Variants in HSPG2 observed in about 807,000 individuals in gnomAD.
HSPG2 encodes the protein heparan sulfate proteoglycan 2, also known as basement membrane-specific heparan sulfate proteoglycan core protein.
HSPG2 carries 278 observed loss-of-function variants against 526.6 expected under a neutral mutation model. The observed-to-expected ratio is 0.53, with a 90% CI of 0.48 to 0.58. The LOEUF is 0.58. Among genes scored for constraint, HSPG2 ranks in the 20% least tolerant of loss-of-function variants. The pLI is 0.00. For missense variants in HSPG2, 5,354 were observed against 6,099.5 expected, an observed-to-expected ratio of 0.88 and a Z score of 4.07; for synonymous variants, 2,465 against 2,555.4, an observed-to-expected ratio of 0.96 and a Z score of 1.07.
chr1:21,871,770 A>T (rs1448307284), intron 33 of HSPG2, among the ~76,000 whole-genome samples: 1 of 152,236 alleles, frequency 6.6e-6, no homozygotes, highest in African/African-American at 2.4e-5. Context: ...ACCTATCATG[A>T]GAATTACTGT....
At chr1:21,874,858 G>A (rs766546415) in intron 26 of HSPG2, 33 bp downstream of exon 26, 2 of 1,563,762 alleles carry the variant, frequency 1.3e-6, no homozygotes, top group Non-Finnish European at 8.8e-7. Context: ...CATGGAGGGG[G>A]CTGGCTGGGC....
chr1:21,909,743 A>G (rs923821454), intron 1 of HSPG2, among the ~76,000 whole-genome samples: 2 of 152,168 alleles, frequency 1.3e-5, no homozygotes, highest in East Asian at 3.9e-4. Flanking sequence ...AGGATTACCC[A>G]TCACTCCCCA....
chr1:21,892,483 C>T (rs930560433), intron 3 of HSPG2, among the ~76,000 whole-genome samples: 9 of 152,344 alleles, frequency 5.9e-5, no homozygotes, highest in Admixed American at 2.6e-4. Flanking sequence ...CTTCGTTCTT[C>T]GAGACCAAGG....
intron 76 of HSPG2, 131 bp from the exon 77 acceptor site, chr1:21,835,076 A>G (rs1281217293): frequency 2.0e-6 from 2 of 1,008,056 alleles, no homozygotes. Context: ...TCACTTTTTC[A>G]TGCATTCACT....
rs1478195895 is a variant in HSPG2 at position 21,848,023 on chromosome 1, C to T, written c.7808G>A (p.Ser2603Asn). Residue 2603 changes from serine to asparagine, a missense_variant, in exon 60 of 97, where the codon AGT becomes AAT. Transcript: ENST00000374695. This position sits in a 1 kb window ranked among gnomAD's most constrained non-coding sequence, Gnocchi z 4.9. ...GGTCTCCCGGGAGCCTGCACCGTTA[C>T]TGACGTGACACACGTACTCGCCCGA... ...ADSGEYVCHV[S>N]NGAGSRETSL... 1 of 1,613,310 alleles carries T rather than the reference C, an allele frequency of 6.2e-7. No individual in the cohort carries two copies. Among genetic ancestry groups the T allele is most frequent in the East Asian group, 2.2e-5 (1 of 44,846 alleles).
chr1:21,827,727 G>A, intron 91 of HSPG2, 136 bp downstream of exon 91: 1 of 974,618 alleles, frequency 1.0e-6, no homozygotes, highest in South Asian at 1.4e-5. Flanking sequence ...ACATGGCTGT[G>A]GTCTTCATTC....
chr1:21,891,497 T>C (rs545916569), intron 3 of HSPG2, among the ~76,000 whole-genome samples: 8 of 152,310 alleles, frequency 5.3e-5, no homozygotes, highest in African/African-American at 1.9e-4. Context: ...GAACCTGGGA[T>C]TTCATTCACG....
intron 50 of HSPG2, among the ~76,000 whole-genome samples, 196 bp downstream of exon 50, chr1:21,853,997 T>C (rs1639128195): frequency 1.3e-5 from 2 of 152,160 alleles, no homozygotes; most frequent in Admixed American, 1.3e-4. Flanking sequence ...CAGTCACTCA[T>C]AGGGAGCCCA....
chr1:21,840,509 T>TGTTA (rs1364128077), intron 71 of HSPG2, among the ~76,000 whole-genome samples: 1 of 152,132 alleles, frequency 6.6e-6, no homozygotes, highest in African/African-American at 2.4e-5. Context: ...GGTTTCACCA[T>TGTTA]GTTAGCCAGG....
intron 86 of HSPG2, 52 bp from the exon 87 acceptor site, chr1:21,829,656 G>C (rs2097993570): frequency 6.8e-7 from 1 of 1,470,464 alleles, no homozygotes; most frequent in Admixed American, 1.8e-5. Context: ...ACCCTCGGGT[G>C]GGGTCCAGCT....
chr1:21,884,683 C>A lies in HSPG2; in HGVS notation c.1508-9G>T, dbSNP rs538216424. On this transcript the variant is annotated splice_polypyrimidine_tract_variant and intron_variant, in intron 12 of 96. Coordinates refer to ENST00000374695, the MANE Select transcript of HSPG2 (RefSeq NM_005529.7). Reference sequence around the variant, plus strand: ...GCCGTCAGGGCAGGGGCCTGCTGGGCGGCATGGGCGGGGGCTGCAGCCGGC... The same window carrying A: ...GCCGTCAGGGCAGGGGCCTGCTGGGAGGCATGGGCGGGGGCTGCAGCCGGC... 2 of 1,610,686 alleles carry A rather than the reference C, an allele frequency of 1.2e-6. No homozygotes were observed. The highest frequency in any genetic ancestry group is 2.2e-5 in the East Asian group (1 of 44,810).
In HSPG2 at chr1:21,858,674, A is replaced by AC. The variant is rs1639532354; in HGVS notation, c.5293+891dup. 6.6e-6 allele frequency among the ~76,000 whole-genome samples: 1 copy of AC among 151,098 alleles called. No homozygotes were observed. Among genetic ancestry groups the AC allele is most frequent in the Non-Finnish European group, 1.5e-5 (1 of 67,762 alleles). On this transcript the variant is annotated intron_variant, in intron 42 of 96. Transcript: ENST00000374695. This position sits in a 1 kb window ranked among gnomAD's most constrained non-coding sequence, Gnocchi z 4.2. The stretch of plus-strand genomic sequence containing the variant: ...TGCTGGTGGCCTAGCCACGCTTCCC[A>AC]CCCCCCGTGCCCACCTGCCTGACTT...
rs1192648239 is a variant in HSPG2 at position 21,855,802 on chromosome 1, T to G, written c.5686A>C (p.Thr1896Pro). Residue 1896 changes from threonine (T) to proline (P), a missense_variant, in exon 45 of 97, where the codon ACC (threonine) becomes CCC (proline). Physicochemically the swap from Thr to Pro is conservative, Grantham distance 38. Transcript: ENST00000374695. ...RCSATGSPTP[T>P]LEWTGGPGGQ... Reference sequence around the variant, plus strand: ...ACGGCCTCACCTGTCCACTCGAGGGTGGGCGTGGGGCTCCCTGTGGCGCTG... The same window carrying G: ...ACGGCCTCACCTGTCCACTCGAGGGGGGGCGTGGGGCTCCCTGTGGCGCTG... 2 of 1,612,956 alleles carry G rather than the reference T, an allele frequency of 1.2e-6. No homozygotes were observed. The highest frequency in any genetic ancestry group is 1.7e-6 in the Non-Finnish European group (2 of 1,179,806).
In HSPG2 at chr1:21,874,655, G is replaced by A. The variant is rs148471758; in HGVS notation, c.3489C>T (p.Gly1163=). 9.9e-6 allele frequency: 16 copies of A among 1,613,254 alleles called. No homozygotes were observed. The African/African-American group carries it at 2.0e-4, about 20-fold the overall frequency. Reference sequence around the variant, plus strand: ...TTTCTGGCTCGCAGGCCTCTGAGTGGCCATGGCAGCTGCAGCGTTCACAGG... The same window carrying A: ...TTTCTGGCTCGCAGGCCTCTGAGTGACCATGGCAGCTGCAGCGTTCACAGG... ...LGTCERCSCH[G]HSEACEPETG... is the part of the protein sequence containing the mutation. The change falls in exon 27 of 97, where the codon GGC becomes GGT. Residue 1163 remains glycine, a synonymous_variant. Coordinates refer to ENST00000374695, the MANE Select transcript of HSPG2 (RefSeq NM_005529.7).
Position 21,852,945 on chromosome 1 carries a change from C to A in HSPG2, c.6565G>T (p.Gly2189Trp), listed in dbSNP as rs1280851361. ...TGGTGCCGGGCAGGGAGGCTGCCCC[C>A]ACGCTTGTGCCACGTGACCTGGGCG... ...AHAQVTWHKRGGSLPARHQTH... is the reference protein window; with the variant it reads ...AHAQVTWHKRWGSLPARHQTH... The change falls in exon 51 of 97, where the codon GGG becomes TGG. Residue 2189 changes from glycine to tryptophan, a missense_variant. Physicochemically the swap from Gly to Trp is radical, Grantham distance 184. Coordinates refer to ENST00000374695, the MANE Select transcript of HSPG2 (RefSeq NM_005529.7). 1 of 1,613,248 alleles carries A rather than the reference C, an allele frequency of 6.2e-7. No individual in the cohort carries two copies. Among genetic ancestry groups the A allele is most frequent in the Non-Finnish European group, 8.5e-7 (1 of 1,179,876 alleles).
intron 50 of HSPG2, 76 bp downstream of exon 50, chr1:21,854,117 C>T: frequency 6.8e-7 from 1 of 1,461,578 alleles, no homozygotes; most frequent in Non-Finnish European, 9.2e-7. Context: ...GTCCTGGTCC[C>T]ACTGAAGAAG....
In HSPG2 at chr1:21,833,298, T is replaced by C. The variant is rs1007657466; in HGVS notation, c.11065A>G (p.Lys3689Glu). The change falls in exon 80 of 97, where the codon AAG becomes GAG. Residue 3689 changes from lysine (K) to glutamate (E), a missense_variant. Lys to Glu is a moderately conservative substitution (Grantham distance 56, BLOSUM62 1). Transcript: ENST00000374695. Reference protein sequence around the residue: ...IKDAYRKFEIKITFRPDSADG... With the variant: ...IKDAYRKFEIEITFRPDSADG... ...GCTGAGTCGGGCCGGAAGGTGATCTTGATCTCGAACTTCCTGTAGGCATCC... is the reference window on the plus strand; with the variant it reads ...GCTGAGTCGGGCCGGAAGGTGATCTCGATCTCGAACTTCCTGTAGGCATCC... 1 of 1,614,164 alleles carries C rather than the reference T, an allele frequency of 6.2e-7. No individual in the cohort carries two copies. Among genetic ancestry groups the C allele is most frequent in the Non-Finnish European group, 8.5e-7 (1 of 1,180,020 alleles).
intron 28 of HSPG2, 136 bp downstream of exon 28, chr1:21,874,270 A>G: frequency 8.2e-7 from 1 of 1,217,084 alleles, no homozygotes. Context: ...AGTGTATCTC[A>G]CACCAAGTGA....
Position 21,851,672 on chromosome 1 carries a change from G to A in HSPG2, c.7032C>T (p.Arg2344=). 1.2e-6 allele frequency: 2 copies of A among 1,613,992 alleles called. No homozygotes were observed. The highest frequency in any genetic ancestry group is 1.7e-6 in the Non-Finnish European group (2 of 1,180,022). The part of the protein sequence containing the change: ...AYPAGSTQPI[R]IEPSSSQVAE... ...CCACTTGCGAGGAGGAGGGCTCGAT[G>A]CGGATGGGCTGGGTGCTGCCGGCAG... The change falls in exon 55 of 97, where the codon CGC becomes CGT. Residue 2344 remains arginine (R), a synonymous_variant. Coordinates refer to ENST00000374695, the MANE Select transcript of HSPG2 (RefSeq NM_005529.7).
Sources: gnomAD v4.1 joint callset for allele counts (sites outside exome capture counted in the v4.1 genomes callset) on GRCh38, gnomAD v4.1.1 for gene constraint, Gnocchi (gnomAD v3.1) non-coding constraint, MANE v1.5 for transcripts, NCBI Gene and HGNC (gene_info 2026-07-23, HGNC 2026-07-21) for gene names.